TOGARAM2: variants seen among roughly 807,000 people sequenced by gnomAD.
TOGARAM2 encodes the protein TOG array regulator of axonemal microtubules protein 2.
A neutral mutation model predicts 93.3 loss-of-function variants in TOGARAM2; 85 were observed. The observed-to-expected ratio is 0.91, with a 90% CI of 0.76 to 1.09. The LOEUF is 1.09. Among genes scored for constraint, TOGARAM2 ranks in the 50% least tolerant of loss-of-function variants. The pLI is 0.00. For missense variants in TOGARAM2, 1,277 were observed against 1,334.5 expected (o/e 0.96, Z 0.67); for synonymous variants, 593 against 552.8 (o/e 1.07, Z -1.02).
At chr2:28,981,911 G>A (rs4292053) in intron 1 of TOGARAM2, among the ~76,000 whole-genome samples, 25,057 of 152,200 alleles carry the variant, frequency 0.16, 2,193 homozygotes, top group South Asian at 0.24. Flanking sequence ...TGCTGTGGGC[G>A]ATGGTGCCGG....
intron 14 of TOGARAM2, among the ~76,000 whole-genome samples, chr2:29,031,774 A>T (rs980108339): frequency 6.6e-6 from 1 of 152,178 alleles, no homozygotes; most frequent in Non-Finnish European, 1.5e-5. Context: ...GCCCTCACAC[A>T]TGGGGCAGTG....
chr2:28,988,571 A>C (rs1181638223), intron 1 of TOGARAM2, among the ~76,000 whole-genome samples: 1 of 152,116 alleles, frequency 6.6e-6, no homozygotes, highest in Non-Finnish European at 1.5e-5. Flanking sequence ...CCTCCTGTGA[A>C]CACGCTCTAG....
At chr2:28,989,376 A>G (rs1572640237) in intron 1 of TOGARAM2, among the ~76,000 whole-genome samples, 1 of 147,736 alleles carries the variant, frequency 6.8e-6, no homozygotes, top group African/African-American at 2.5e-5. Flanking sequence ...ATTGAATGCA[A>G]TATTGAAGTG....
chr2:29,040,174 A>G (rs777870683), intron 18 of TOGARAM2, among the ~76,000 whole-genome samples: 3 of 152,180 alleles, frequency 2.0e-5, no homozygotes, highest in Non-Finnish European at 4.4e-5. Context: ...TCTATATACA[A>G]ATTTCCCTTG....
intron 8 of TOGARAM2, among the ~76,000 whole-genome samples, chr2:29,015,775 T>A (rs573371994): frequency 2.2e-4 from 33 of 152,272 alleles, no homozygotes; most frequent in Admixed American, 1.8e-3. Flanking sequence ...GGGGTGGCTC[T>A]TTTTTGGTCC....
intron 4 of TOGARAM2, among the ~76,000 whole-genome samples, chr2:28,999,952 C>G (rs925310736): frequency 1.3e-5 from 2 of 152,260 alleles, no homozygotes; most frequent in Middle Eastern, 3.4e-3. Context: ...GCTCCTCCCC[C>G]ACCCCTCCTC....
chr2:29,045,101 GC>G (rs1270883614), intron 18 of TOGARAM2, among the ~76,000 whole-genome samples: 2 of 152,148 alleles, frequency 1.3e-5, no homozygotes, highest in Non-Finnish European at 2.9e-5. Flanking sequence ...AATAAATGAG[GC>G]CTGTTTGGGA....
intron 10 of TOGARAM2, chr2:29,018,324 C>T (rs1664721243): frequency 5.0e-6 from 1 of 199,082 alleles, no homozygotes; most frequent in South Asian, 1.7e-4. Flanking sequence ...CGGTTTCTTT[C>T]CTGTTGCTTC....
chr2:29,051,690 C>A (rs922343883), intron 19 of TOGARAM2, 66 bp from the exon 20 acceptor site: 2 of 1,367,106 alleles, frequency 1.5e-6, no homozygotes, highest in Non-Finnish European at 1.9e-6. Context: ...GTTGGTGTCC[C>A]AAGAGAGGGA....
At position 29,014,293 on chromosome 2, in the gene TOGARAM2, G is replaced by A. The variant is rs541928251; in HGVS notation, c.878-102G>A. 3.6e-6 allele frequency: 5 copies of A among 1,374,398 alleles called. No individual in the cohort carries two copies. In the South Asian group the frequency reaches 6.9e-5, roughly 19 times the overall value. The allele number at this position is 1,374,398 out of a possible 1,614,324, so 85.1% of individuals were successfully genotyped here. A position where few individuals can be genotyped will look rare whatever the true frequency, so the allele number is the denominator to read the frequency against. Reference sequence around the variant, plus strand: ...GGTCTTGCTCCATTGAGGAAGAATTGAGGGTGTGGGGCTTAGCAGTAGAAT... The same window carrying A: ...GGTCTTGCTCCATTGAGGAAGAATTAAGGGTGTGGGGCTTAGCAGTAGAAT... On this transcript the variant is annotated intron_variant, in intron 7 of 19. Coordinates refer to ENST00000379558, the MANE Select transcript of TOGARAM2 (RefSeq NM_199280.4).
At chr2:29,019,646 T>C (rs1277058806) in intron 10 of TOGARAM2, among the ~76,000 whole-genome samples, 1 of 152,164 alleles carries the variant, frequency 6.6e-6, no homozygotes, top group Non-Finnish European at 1.5e-5. Context: ...ACTGTTTATG[T>C]TTGGCAGGTG....
At chr2:29,001,053 C>T (rs1673264231) in intron 4 of TOGARAM2, among the ~76,000 whole-genome samples, 1 of 152,160 alleles carries the variant, frequency 6.6e-6, no homozygotes, top group Non-Finnish European at 1.5e-5. Flanking sequence ...CCTCAGCAAG[C>T]ATGGAGGGCC....
Position 29,023,171 on chromosome 2 carries a change from T to C in TOGARAM2, c.1597T>C (p.Cys533Arg). 3.1e-6 allele frequency: 5 copies of C among 1,594,408 alleles called. No individual in the cohort carries two copies. Among genetic ancestry groups the C allele is most frequent in the Non-Finnish European group, 4.3e-6 (5 of 1,170,476 alleles). The change falls in exon 12 of 20, where the codon TGC (cysteine) becomes CGC (arginine). Residue 533 changes from cysteine to arginine, a missense_variant. Transcript: ENST00000379558. The part of the protein sequence containing the change: ...EVLTGKLHDV[C>R]LVVTGEVTNL... ...CCTCACCGGGAAGCTGCACGACGTG[T>C]GCTTGGTGGTGACTGGGGAGGTGAG...
intron 1 of TOGARAM2, among the ~76,000 whole-genome samples, chr2:28,965,401 A>G (rs1230780464): frequency 1.3e-5 from 2 of 151,946 alleles, no homozygotes; most frequent in Admixed American, 6.6e-5. Flanking sequence ...CATCTTCACT[A>G]TTGGCTTGTT....
At chr2:29,002,510 G>T in intron 4 of TOGARAM2, 26 bp from the exon 5 acceptor site, 6 of 1,600,068 alleles carry the variant, frequency 3.7e-6, no homozygotes, top group East Asian at 2.2e-5. Context: ...GGGACTAACT[G>T]ATTTCCCATC....
intron 1 of TOGARAM2, among the ~76,000 whole-genome samples, chr2:28,988,810 A>G (rs1672581969): frequency 6.6e-6 from 1 of 152,218 alleles, no homozygotes; most frequent in African/African-American, 2.4e-5. Context: ...ATGCCTCCAC[A>G]GGCACAGACC....
Position 29,009,648 on chromosome 2 carries a change from C to A in TOGARAM2, c.831-1807C>A, listed in dbSNP as rs575719082. ...CAGCCACTGGACAGATACTGGCACC[C>A]TTCTTGGAGACAGGGCATAGGAGAA... is the stretch of plus-strand genomic sequence containing the variant. On this transcript the variant is annotated intron_variant, in intron 6 of 19. Coordinates refer to ENST00000379558, the MANE Select transcript of TOGARAM2 (RefSeq NM_199280.4). Among the ~76,000 whole-genome samples, 3 of 152,090 alleles carry A rather than the reference C, an allele frequency of 2.0e-5. No individual in the cohort carries two copies. The East Asian group carries it at 5.8e-4, about 29-fold the overall frequency.
chr2:29,017,819 C>A lies in TOGARAM2; in HGVS notation c.1223C>A (p.Thr408Lys). Residue 408 changes from threonine (T) to lysine (K), a missense_variant, in exon 10 of 20, where the codon ACA becomes AAA. Physicochemically the swap from Thr to Lys is moderately conservative, Grantham distance 78. Transcript: ENST00000379558. ...EGLLPLRGSG[T>K]LSVPTRLSGP... ...CTCCTTCCCCTCCGGGGCAGCGGGA[C>A]ACTGTCTGTGCCCACTAGGCTGAGC... 3 of 1,612,228 alleles carry A rather than the reference C, an allele frequency of 1.9e-6. No homozygotes were observed. The highest frequency in any genetic ancestry group is 2.2e-5 in the South Asian group (2 of 90,884).
rs34500191 is a variant in TOGARAM2 at position 28,974,127 on chromosome 2, C to CTTTTT, written c.-147+17442_-147+17446dup. 7.1e-5 allele frequency among the ~76,000 whole-genome samples: 9 copies of CTTTTT among 127,208 alleles called. 1 individual carries two copies. Among genetic ancestry groups the CTTTTT allele is most frequent in the South Asian group, 2.5e-4 (1 of 3,994 alleles). 83.5% of individuals were successfully genotyped at this position (127,208 alleles called of 152,430 possible). A position where few individuals can be genotyped will look rare whatever the true frequency, so the allele number is the denominator to read the frequency against. ...TTCTGAACTTTGATTATAATATATCCTTTTTTTTTTTTTTTTCTGAGGCGA... is the reference window on the plus strand; with the variant it reads ...TTCTGAACTTTGATTATAATATATCCTTTTTTTTTTTTTTTTTTTTTCTGAGGCGA... On this transcript the variant is annotated intron_variant, in intron 1 of 6. Coordinates refer to the TOGARAM2 transcript ENST00000401723.
Sources: allele counts gnomAD v4.1 joint callset (sites outside exome capture counted in the v4.1 genomes callset), GRCh38; gene constraint gnomAD v4.1.1; transcripts MANE v1.5; gene names NCBI Gene and HGNC (gene_info 2026-07-23, HGNC 2026-07-21).